Variants in DYNC1LI1 observed in about 807,000 individuals in gnomAD.
DYNC1LI1 encodes the protein dynein cytoplasmic 1 light intermediate chain 1.
Under a neutral mutation model 63.8 loss-of-function variants are expected in DYNC1LI1, and 19 were observed. That is an observed-to-expected ratio of 0.30 (90% CI 0.21 to 0.44). The LOEUF is 0.44. DYNC1LI1 is among the 20% of genes least tolerant of loss of function. The pLI is 1.00. For missense variants in DYNC1LI1, 565 were observed against 630.2 expected (o/e 0.90, Z 1.11); for synonymous variants, 225 against 232.3 (o/e 0.97, Z 0.28).
At chr3:32,541,867 CACAT>C (rs1456077431) in intron 4 of DYNC1LI1, among the ~76,000 whole-genome samples, 3 of 152,150 alleles carry the variant, frequency 2.0e-5, no homozygotes, top group Non-Finnish European at 4.4e-5. Context: ...ATCAGTGATG[CACAT>C]ACATAGGGAT....
intron 2 of DYNC1LI1, among the ~76,000 whole-genome samples, chr3:32,556,005 T>C (rs1435576472): frequency 1.3e-5 from 2 of 152,218 alleles, no homozygotes; most frequent in African/African-American, 4.8e-5. Flanking sequence ...AAGGGCAAAA[T>C]GTAAAGGTCA....
chr3:32,529,126 AAGTTGAATAATCATTTGAAAAAATATTAT>A (rs1697661561), intron 11 of DYNC1LI1, among the ~76,000 whole-genome samples: 1 of 152,256 alleles, frequency 6.6e-6, no homozygotes, highest in Non-Finnish European at 1.5e-5. Context: ...ATGATAAGCA[AAGTTGAATAATCATTTGAAAAAATATTAT>A]CCAAAGGCAT....
rs146611818 is a variant in DYNC1LI1, at chr3:32,545,016, T to C, written c.428A>G (p.Asp143Gly). The C allele has an allele frequency of 3.7e-5, 59 of 1,613,956 alleles. No homozygotes were observed. The highest frequency in any genetic ancestry group is 4.7e-5 in the Non-Finnish European group (56 of 1,179,964). ...KFSLDAVSLK[D>G]TLVMLVVDMS... is the part of the protein sequence containing the mutation. ...GTCAACAACCAGCATAACTAGAGTA[T>C]CCTTCAGAGATACGGCATCCAGTGA... is the stretch of plus-strand genomic sequence containing the variant. The change falls in exon 4 of 13, where the codon GAT (aspartate) becomes GGT (glycine). Residue 143 changes from aspartate (D) to glycine (G), a missense_variant. Asp to Gly is a moderately conservative substitution (Grantham distance 94). Transcript: ENST00000273130.
chr3:32,547,199 C>T (rs1448480593), intron 2 of DYNC1LI1, among the ~76,000 whole-genome samples: 3 of 152,106 alleles, frequency 2.0e-5, no homozygotes, highest in African/African-American at 4.8e-5. Context: ...GCCAAGATCA[C>T]GCCACTGCAC....
chr3:32,559,083 A>G (rs75866204), intron 2 of DYNC1LI1, among the ~76,000 whole-genome samples: 4,340 of 149,064 alleles, frequency 0.029, 226 homozygotes, highest in African/African-American at 0.1. Context: ...TTAAAGACAG[A>G]GTCTATGGTG....
At chr3:32,543,753 C>A (rs1697914349) in intron 4 of DYNC1LI1, among the ~76,000 whole-genome samples, 1 of 150,802 alleles carries the variant, frequency 6.6e-6, no homozygotes, top group East Asian at 2.0e-4. Flanking sequence ...AAATGAAGAA[C>A]TCTAAGTGAC....
chr3:32,539,890 A>T (rs1272889635), intron 5 of DYNC1LI1, among the ~76,000 whole-genome samples: 1 of 150,130 alleles, frequency 6.7e-6, no homozygotes, highest in Non-Finnish European at 1.5e-5. Flanking sequence ...TTTGAGACAG[A>T]GTCTCACTCT....
intron 5 of DYNC1LI1, among the ~76,000 whole-genome samples, chr3:32,537,930 TATATATAA>T (rs1697803003): frequency 6.0e-4 from 8 of 13,438 alleles, no homozygotes; most frequent in South Asian, 1.5e-3. Flanking sequence ...ATATATAATA[TATATATAA>T]TATATATATA....
chr3:32,544,084 T>A (rs897688154), intron 4 of DYNC1LI1, among the ~76,000 whole-genome samples: 3 of 151,892 alleles, frequency 2.0e-5, no homozygotes, highest in African/African-American at 7.3e-5. Flanking sequence ...AAATAAAAAA[T>A]GTTGCTGGCT....
chr3:32,569,195 G>A (rs1244841387), intron 2 of DYNC1LI1, among the ~76,000 whole-genome samples: 2 of 152,068 alleles, frequency 1.3e-5, no homozygotes, highest in African/African-American at 4.8e-5. Context: ...AAGATCCTAG[G>A]GCTTATATGT....
At chr3:32,530,374 A>T (rs766598323) in intron 9 of DYNC1LI1, 46 bp from the exon 10 acceptor site, 1 of 1,603,112 alleles carries the variant, frequency 6.2e-7, no homozygotes. Context: ...CATTCATAGC[A>T]TATACTGGTG....
At chr3:32,563,699 CCT>C (rs954152263) in intron 2 of DYNC1LI1, among the ~76,000 whole-genome samples, 2 of 152,084 alleles carry the variant, frequency 1.3e-5, no homozygotes, top group Admixed American at 1.3e-4. Flanking sequence ...ACTGACATTC[CCT>C]CTCACATGGA....
At chr3:32,564,348 A>C (rs1698232263) in intron 2 of DYNC1LI1, among the ~76,000 whole-genome samples, 2 of 152,152 alleles carry the variant, frequency 1.3e-5, no homozygotes, top group African/African-American at 4.8e-5. Context: ...CAAACAAACA[A>C]ACACAGAGGT....
At chr3:32,567,198 C>T (rs1698272151) in intron 2 of DYNC1LI1, among the ~76,000 whole-genome samples, 1 of 152,142 alleles carries the variant, frequency 6.6e-6, no homozygotes, top group South Asian at 2.1e-4. Flanking sequence ...GAACAGGGCC[C>T]TTATGTTGTG....
chr3:32,552,071 C>T (rs562430278), intron 2 of DYNC1LI1, among the ~76,000 whole-genome samples: 1 of 152,288 alleles, frequency 6.6e-6, no homozygotes, highest in South Asian at 2.1e-4. Context: ...TTGCCACTTC[C>T]CCCAAAACAC....
chr3:32,562,211 TATG>T (rs1362539404), intron 2 of DYNC1LI1, among the ~76,000 whole-genome samples: 10 of 152,014 alleles, frequency 6.6e-5, no homozygotes, highest in Non-Finnish European at 1.5e-4. Context: ...TGCAGTAAGC[TATG>T]ATTACACTAC....
rs1697623770 is a variant in DYNC1LI1 at position 32,526,726 on chromosome 3, A to G, written c.*73T>C. 8.6e-7 allele frequency: 1 copy of G among 1,169,352 alleles called. No individual in the cohort carries two copies. Among genetic ancestry groups the G allele is most frequent in the South Asian group, 1.3e-5 (1 of 78,538 alleles). 72.4% of individuals were successfully genotyped at this position (1,169,352 alleles called of 1,614,324 possible). On this transcript the variant is annotated 3_prime_UTR_variant, in exon 13 of 13. Transcript: ENST00000273130. ...AGAAGCACTCCAGCTTTCTAATTCCACTTTTGAAGGAAAAGGCAGAGGCAT... is the reference window on the plus strand; with the variant it reads ...AGAAGCACTCCAGCTTTCTAATTCCGCTTTTGAAGGAAAAGGCAGAGGCAT...
At position 32,530,302 on chromosome 3, in the gene DYNC1LI1, A is replaced by G. The variant is rs759113533; in HGVS notation, c.1167T>C (p.Thr389=). Residue 389 remains threonine (T), a synonymous_variant, in exon 10 of 13, where the codon ACT becomes ACC. Transcript: ENST00000273130. ...LQSLLAKQPP[T]AAGRPVDASP... Reference sequence around the variant, plus strand: ...TACTGACCACAGGCCTTCCAGCTGCAGTTGGTGGTTGCTTTGCTAAAAGGG... The same window carrying G: ...TACTGACCACAGGCCTTCCAGCTGCGGTTGGTGGTTGCTTTGCTAAAAGGG... 27 of 1,601,290 alleles carry G rather than the reference A, an allele frequency of 1.7e-5. No individual in the cohort carries two copies. Among genetic ancestry groups the G allele is most frequent in the African/African-American group, 4.0e-5 (3 of 74,080 alleles).
chr3:32,558,788 G>C (rs1361857547), intron 2 of DYNC1LI1, among the ~76,000 whole-genome samples: 1 of 151,872 alleles, frequency 6.6e-6, no homozygotes, highest in Non-Finnish European at 1.5e-5. Context: ...AGAGGCTGCG[G>C]TAAGCCAAGA....
Sources: allele counts gnomAD v4.1 joint callset (sites outside exome capture counted in the v4.1 genomes callset), GRCh38; gene constraint gnomAD v4.1.1; transcripts MANE v1.5; gene names NCBI Gene and HGNC (gene_info 2026-07-23, HGNC 2026-07-21).